The following PCNX2 variants were observed in gnomAD, a reference collection of about 807,000 sequenced individuals.
PCNX2 encodes pecanex 2, also known as pecanex-like protein 2.
A neutral mutation model predicts 223.8 loss-of-function variants in PCNX2; 168 were observed. The ratio of observed to expected loss-of-function variants is 0.75; its 90% CI spans 0.66 to 0.85. The LOEUF (loss-of-function observed/expected upper bound fraction) is 0.85, where lower values mean the gene tolerates loss of function less well. Among genes scored for constraint, PCNX2 ranks in the 40% least tolerant of loss-of-function variants. The pLI, the probability that PCNX2 is intolerant of heterozygous loss-of-function variation, is 0.00. For missense variants in PCNX2, 2,507 were observed against 2,675.5 expected (o/e 0.94, Z 1.39); for synonymous variants, 1,006 against 1,052.6 (o/e 0.96, Z 0.86).
chr1:233,038,270 C>T (rs965518889), intron 25 of PCNX2, among the ~76,000 whole-genome samples: 6 of 152,112 alleles, frequency 3.9e-5, no homozygotes, highest in Admixed American at 6.5e-5. Context: ...TGATAGTTAT[C>T]GCTGTGAGTG....
chr1:233,169,745 A>C (rs1679039192), intron 17 of PCNX2, among the ~76,000 whole-genome samples: 1 of 152,020 alleles, frequency 6.6e-6, no homozygotes, highest in African/African-American at 2.4e-5. Flanking sequence ...ACCACCAACT[A>C]GTTCAATTAA....
chr1:233,011,617 G>C (rs1490840195), intron 28 of PCNX2, among the ~76,000 whole-genome samples: 1 of 152,026 alleles, frequency 6.6e-6, no homozygotes, highest in African/African-American at 2.4e-5. Flanking sequence ...CTTTAATCAT[G>C]GACAACCAAT....
intron 32 of PCNX2, 32 bp from the exon 33 acceptor site, chr1:232,986,572 C>T (rs757790922): frequency 4.8e-5 from 71 of 1,470,378 alleles, no homozygotes; most frequent in Middle Eastern, 3.9e-4. Flanking sequence ...AGAGTTGTAG[C>T]GGGTGGGTCA....
At chr1:233,120,773 C>T (rs1365568169) in intron 21 of PCNX2, among the ~76,000 whole-genome samples, 2 of 152,032 alleles carry the variant, frequency 1.3e-5, no homozygotes, top group African/African-American at 4.8e-5. Flanking sequence ...ACTTTATCAA[C>T]AATCAATTTA....
chr1:233,107,873 T>C (rs1292130448), intron 21 of PCNX2, among the ~76,000 whole-genome samples: 1 of 152,016 alleles, frequency 6.6e-6, no homozygotes, highest in African/African-American at 2.4e-5. Context: ...AGAGAGGAAG[T>C]TGGCACAAAT....
At chr1:233,240,281 A>G (rs1167246732) in intron 8 of PCNX2, among the ~76,000 whole-genome samples, 1 of 152,186 alleles carries the variant, frequency 6.6e-6, no homozygotes, top group Admixed American at 6.5e-5. Context: ...GAATAATTCC[A>G]AAGTCTATGT....
At chr1:233,085,060 C>T (rs1385519706) in intron 23 of PCNX2, among the ~76,000 whole-genome samples, 1 of 152,120 alleles carries the variant, frequency 6.6e-6, no homozygotes, top group Non-Finnish European at 1.5e-5. Flanking sequence ...ACAGGCCAGG[C>T]GTGGTGGCTC....
intron 25 of PCNX2, among the ~76,000 whole-genome samples, chr1:233,053,215 CA>C (rs1368030232): frequency 3.3e-5 from 5 of 151,964 alleles, no homozygotes; most frequent in African/African-American, 1.2e-4. Context: ...TGCCTCATGT[CA>C]AGTTGCCGCA....
intron 21 of PCNX2, among the ~76,000 whole-genome samples, chr1:233,123,601 C>T (rs2057633): frequency 0.15 from 22,770 of 151,808 alleles, 1,869 homozygotes; most frequent in East Asian, 0.24. Context: ...AAAAAATCTT[C>T]TTGTAATACG....
At chr1:233,230,324 CGT>C (rs1263019344) in intron 9 of PCNX2, among the ~76,000 whole-genome samples, 2 of 151,968 alleles carry the variant, frequency 1.3e-5, no homozygotes, top group African/African-American at 4.8e-5. Context: ...AAGGGGCTTG[CGT>C]AAGTGAGGAC....
At chr1:233,130,823 G>A (rs74908048) in intron 21 of PCNX2, among the ~76,000 whole-genome samples, 5,467 of 149,882 alleles carry the variant, frequency 0.036, 120 homozygotes, top group African/African-American at 0.071. Context: ...GCAGACTTAA[G>A]AGAGTAGGCA....
chr1:233,075,696 A>AACACACACACACAC lies in PCNX2; in HGVS notation c.4076+14351_4076+14364dup, dbSNP rs369431993. Among the ~76,000 whole-genome samples the AACACACACACACAC allele has an allele frequency of 1.9e-3, 258 of 137,336 alleles. 2 individuals carry two copies. The highest frequency in any genetic ancestry group is 6.3e-3 in the African/African-American group (227 of 36,066). The allele number at this position is 137,336 out of a possible 152,430, so 90.1% of individuals were successfully genotyped here. On this transcript the variant is annotated intron_variant, in intron 23 of 33. Coordinates refer to ENST00000258229, the MANE Select transcript of PCNX2 (RefSeq NM_014801.4). Reference sequence around the variant, plus strand: ...GCATTTGAATCTGCAGTTAGCTTAAAACACACACACACACACACACACACA... The same window carrying AACACACACACACAC: ...GCATTTGAATCTGCAGTTAGCTTAAAACACACACACACACACACACACACACACACACACACACA...
chr1:233,316,453 C>T, the PCNX2 span, among the ~76,000 whole-genome samples: 1 of 151,996 alleles, frequency 6.6e-6, no homozygotes, highest in Non-Finnish European at 1.5e-5. Context: ...AGCTCAAGAC[C>T]CCACATCTTT....
chr1:233,024,363 TC>T (rs1259090890), intron 26 of PCNX2, among the ~76,000 whole-genome samples: 1 of 152,200 alleles, frequency 6.6e-6, no homozygotes. Context: ...CGGATGAGCT[TC>T]CTCTTTTTGA....
chr1:233,106,891 T>C (rs960512142), intron 21 of PCNX2, among the ~76,000 whole-genome samples: 1 of 152,218 alleles, frequency 6.6e-6, no homozygotes, highest in African/African-American at 2.4e-5. Context: ...CTATTTGTAA[T>C]AACATTTCAT....
Position 233,115,881 on chromosome 1 carries a change from CAACCAT to C in PCNX2, c.3837+19126_3837+19131del, listed in dbSNP as rs147313289. Among the ~76,000 whole-genome samples, 710 of 152,132 alleles carry C rather than the reference CAACCAT, an allele frequency of 4.7e-3. 1 individual carries two copies. The highest frequency in any genetic ancestry group is 0.015 in the African/African-American group (638 of 41,526). ...GACAAATATTGGCAGAATGGAATAA[CAACCAT>C]AACTCAACTATATGCTGTCTATGTA... On this transcript the variant is annotated intron_variant, in intron 21 of 33. Transcript: ENST00000258229.
chr1:233,144,340 G>A (rs1053032426), intron 19 of PCNX2, among the ~76,000 whole-genome samples: 1 of 151,906 alleles, frequency 6.6e-6, no homozygotes, highest in Non-Finnish European at 1.5e-5. Flanking sequence ...GTTTACTTCA[G>A]TCAGGTAACT....
rs779516384 is a variant in PCNX2, at chr1:233,114,611, A to C, written c.3838-18748T>G. 2.4e-4 allele frequency among the ~76,000 whole-genome samples: 37 copies of C among 152,104 alleles called. 1 individual carries two copies. The highest frequency in any genetic ancestry group is 5.0e-4 in the Non-Finnish European group (34 of 68,040). ...TGGAAGTTATTTTTACAAGAAGAAG[A>C]AGCTGGATAAACAGAAAACTGATGG... On this transcript the variant is annotated intron_variant, in intron 21 of 33. Coordinates refer to ENST00000258229, the MANE Select transcript of PCNX2 (RefSeq NM_014801.4).
In PCNX2 at chr1:233,258,328, T is replaced by C. The variant is rs1285782425; in HGVS notation, c.1534A>G (p.Thr512Ala). ...SESKVGKEGQ[T>A]NLDPSSCKSS... ...TTACAAGACGATGGGTCAAGGTTAGTCTGGCCTTCCTTCCCCACCTTAGAC... is the reference window on the plus strand; with the variant it reads ...TTACAAGACGATGGGTCAAGGTTAGCCTGGCCTTCCTTCCCCACCTTAGAC... Residue 512 changes from threonine (T) to alanine (A), a missense_variant, in exon 5 of 34, where the codon ACT (threonine) becomes GCT (alanine). By Grantham distance (58) the Thr-to-Ala change is moderately conservative (BLOSUM62 0). Transcript: ENST00000258229. 2.5e-6 allele frequency: 4 copies of C among 1,614,016 alleles called. No homozygotes were observed. Among genetic ancestry groups the C allele is most frequent in the South Asian group, 1.1e-5 (1 of 91,082 alleles).
Sources: allele counts gnomAD v4.1 joint callset (sites outside exome capture counted in the v4.1 genomes callset), GRCh38; gene constraint gnomAD v4.1.1; transcripts MANE v1.5; gene names NCBI Gene and HGNC (gene_info 2026-07-23, HGNC 2026-07-21).